GRID1: variants seen among roughly 807,000 people sequenced by gnomAD.
The protein encoded by GRID1 is glutamate ionotropic receptor delta type subunit 1, also known as glutamate receptor ionotropic, delta-1.
In GRID1, 28 loss-of-function variants were observed where a neutral mutation model predicts 98.0. The observed-to-expected ratio is 0.29, with a 90% CI of 0.21 to 0.39. The LOEUF is 0.39. GRID1 is among the 10% of genes least tolerant of loss of function. GRID1 has a pLI of 1.00. For synonymous variants in GRID1, 553 were observed against 538.5 expected, an observed-to-expected ratio of 1.03 and a Z score of -0.37; for missense variants, 1,111 against 1,340.5, an observed-to-expected ratio of 0.83 and a Z score of 2.67.
chr10:86,105,067 GA>G (rs1395217972), intron 4 of GRID1, among the ~76,000 whole-genome samples: 2 of 152,304 alleles, frequency 1.3e-5, no homozygotes, highest in East Asian at 3.9e-4. Context: ...ACAAGTTTGG[GA>G]TTTTTAAGGA....
intron 8 of GRID1, among the ~76,000 whole-genome samples, chr10:85,802,608 G>GA (rs1248461003): frequency 1.3e-5 from 2 of 151,328 alleles, no homozygotes; most frequent in East Asian, 1.9e-4. Context: ...TCTTTAAAAG[G>GA]AAAAAAAATT....
intron 8 of GRID1, among the ~76,000 whole-genome samples, chr10:85,781,481 A>G (rs1564588904): frequency 6.6e-6 from 1 of 152,214 alleles, no homozygotes; most frequent in Non-Finnish European, 1.5e-5. Context: ...AAAATACAAC[A>G]TTATTGATTA....
intron 2 of GRID1, among the ~76,000 whole-genome samples, chr10:86,357,969 C>A (rs1461737697): frequency 6.6e-6 from 1 of 152,158 alleles, no homozygotes; most frequent in Non-Finnish European, 1.5e-5. Flanking sequence ...TGAAGAACAA[C>A]CTGCTCAGGC....
At chr10:86,179,132 G>A (rs945648348) in intron 3 of GRID1, among the ~76,000 whole-genome samples, 1 of 152,006 alleles carries the variant, frequency 6.6e-6, no homozygotes. Context: ...ATCCCCCCAA[G>A]ACAGTACACA....
chr10:86,195,160 G>T lies in GRID1; in HGVS notation c.520+11204C>A, dbSNP rs1845854876. Among the ~76,000 whole-genome samples the T allele has an allele frequency of 6.6e-6, 1 of 152,048 alleles. No homozygotes were observed. The highest frequency in any genetic ancestry group is 2.4e-5 in the African/African-American group (1 of 41,432). On this transcript the variant is annotated intron_variant, in intron 3 of 15. Coordinates refer to ENST00000327946, the MANE Select transcript of GRID1 (RefSeq NM_017551.3). This position sits in a 1 kb window ranked among gnomAD's most constrained non-coding sequence, Gnocchi z 4.4. Reference sequence around the variant, plus strand: ...CCAGGAATGGTAAGTTCCAGCTTGGGATCAGCTGAGCCATGAGAGGGCCAC... The same window carrying T: ...CCAGGAATGGTAAGTTCCAGCTTGGTATCAGCTGAGCCATGAGAGGGCCAC...
At chr10:86,111,615 T>C (rs1411816627) in intron 4 of GRID1, among the ~76,000 whole-genome samples, 1 of 152,186 alleles carries the variant, frequency 6.6e-6, no homozygotes, top group East Asian at 1.9e-4. Flanking sequence ...TATAAGGGAC[T>C]TGGAGGGATA....
At chr10:85,874,485 A>T (rs1210285911) in intron 5 of GRID1, among the ~76,000 whole-genome samples, 1 of 152,190 alleles carries the variant, frequency 6.6e-6, no homozygotes, top group Non-Finnish European at 1.5e-5. Context: ...TTATACACTT[A>T]TGAATCATTT....
chr10:85,865,944 C>CATATATATATATAT (rs1244958360), intron 6 of GRID1, among the ~76,000 whole-genome samples: 1 of 65,804 alleles, frequency 1.5e-5, no homozygotes, highest in Non-Finnish European at 2.8e-5. Context: ...TATATATATA[C>CATATATATATATAT]ACATATATAT....
At chr10:85,652,189 C>T (rs914647170) in intron 12 of GRID1, among the ~76,000 whole-genome samples, 1 of 152,182 alleles carries the variant, frequency 6.6e-6, no homozygotes, top group Non-Finnish European at 1.5e-5. Flanking sequence ...AGCTTGGTAC[C>T]ACCTCCTGTC....
rs1347730331 is a variant in GRID1, at chr10:86,206,811, A to G, written c.236-163T>C. 1.3e-5 allele frequency among the ~76,000 whole-genome samples: 2 copies of G among 152,230 alleles called. No homozygotes were observed. Among genetic ancestry groups the G allele is most frequent in the African/African-American group, 4.8e-5 (2 of 41,462 alleles). On this transcript the variant is annotated intron_variant, in intron 2 of 15. Coordinates refer to ENST00000327946, the MANE Select transcript of GRID1 (RefSeq NM_017551.3). This position sits in a 1 kb window ranked among gnomAD's most constrained non-coding sequence, Gnocchi z 4.1. ...TCCTGGGCAGGCCAGTGGCTCTCAT[A>G]AGCACAGCCTCACTGACATCCTTGG...
At chr10:85,762,609 G>A (rs758581846) in intron 8 of GRID1, among the ~76,000 whole-genome samples, 5 of 152,130 alleles carry the variant, frequency 3.3e-5, no homozygotes, top group East Asian at 1.9e-4. Context: ...AGACTGCTGC[G>A]TGTGCCAGAG....
intron 4 of GRID1, among the ~76,000 whole-genome samples, chr10:86,028,944 T>C (rs1843150705): frequency 1.3e-5 from 2 of 152,286 alleles, no homozygotes; most frequent in East Asian, 1.9e-4. Flanking sequence ...GCTCCCCACT[T>C]AGCCCTTACA....
At chr10:86,262,858 A>C (rs927241919) in intron 2 of GRID1, among the ~76,000 whole-genome samples, 1 of 152,024 alleles carries the variant, frequency 6.6e-6, no homozygotes, top group Non-Finnish European at 1.5e-5. Flanking sequence ...GGCGACAGAG[A>C]GCCCAGGAGC....
intron 2 of GRID1, among the ~76,000 whole-genome samples, chr10:86,362,403 G>A (rs548880403): frequency 1.3e-5 from 2 of 152,096 alleles, no homozygotes; most frequent in Non-Finnish European, 2.9e-5. Context: ...GGTGGGACAC[G>A]ACCAGACACC....
intron 8 of GRID1, among the ~76,000 whole-genome samples, chr10:85,766,817 T>A (rs977532194): frequency 1.3e-5 from 2 of 151,706 alleles, no homozygotes; most frequent in Admixed American, 1.3e-4. Flanking sequence ...TTTAGTATAT[T>A]TTATTATAAT....
intron 4 of GRID1, among the ~76,000 whole-genome samples, chr10:86,110,422 G>A (rs1844463295): frequency 2.0e-5 from 3 of 152,132 alleles, no homozygotes; most frequent in Admixed American, 6.5e-5. Context: ...AGATGGCTTG[G>A]GGCAGAACAC....
rs1400313881 is a variant in GRID1 at position 86,365,949 on chromosome 10, C to T, written c.79+365G>A. On this transcript the variant is annotated intron_variant, in intron 1 of 15. Transcript: ENST00000327946. This position sits in a 1 kb window ranked among gnomAD's most constrained non-coding sequence, Gnocchi z 4.8. ...CCAACTTGGCGAGCCCCCCGCTGTACCTCCCCCTGCCCCCCGCTGCTCTGA... is the reference window on the plus strand; with the variant it reads ...CCAACTTGGCGAGCCCCCCGCTGTATCTCCCCCTGCCCCCCGCTGCTCTGA... Among the ~76,000 whole-genome samples, 2 of 152,118 alleles carry T rather than the reference C, an allele frequency of 1.3e-5. No homozygotes were observed. Among genetic ancestry groups the T allele is most frequent in the African/African-American group, 4.8e-5 (2 of 41,440 alleles).
At chr10:85,662,493 A>G (rs950440164) in intron 12 of GRID1, among the ~76,000 whole-genome samples, 2 of 152,252 alleles carry the variant, frequency 1.3e-5, no homozygotes, top group South Asian at 4.1e-4. Context: ...ATCTCAGCCG[A>G]ACCCTGCCTC....
chr10:85,985,814 C>T (rs1210216505), intron 4 of GRID1, among the ~76,000 whole-genome samples: 1 of 152,120 alleles, frequency 6.6e-6, no homozygotes, highest in African/African-American at 2.4e-5. Flanking sequence ...GCTGCCTGGC[C>T]CACAGGGAGA....
Sources: gnomAD v4.1 joint callset for allele counts (sites outside exome capture counted in the v4.1 genomes callset) on GRCh38, gnomAD v4.1.1 for gene constraint, Gnocchi (gnomAD v3.1) non-coding constraint, MANE v1.5 for transcripts, NCBI Gene and HGNC (gene_info 2026-07-23, HGNC 2026-07-21) for gene names.